SLC2A9: variants seen among roughly 807,000 people sequenced by gnomAD.
SLC2A9 encodes the protein solute carrier family 2, facilitated glucose transporter member 9.
Under a neutral mutation model 50.6 loss-of-function variants are expected in SLC2A9, and 39 were observed. The ratio of observed to expected loss-of-function variants is 0.77; its 90% CI spans 0.60 to 1.01. The LOEUF is 1.01. SLC2A9 is among the 50% of genes least tolerant of loss of function. The pLI is 0.00. For missense variants in SLC2A9, 686 were observed against 677.6 expected (o/e 1.01, Z -0.14); for synonymous variants, 324 against 276.9 (o/e 1.17, Z -1.69).
chr4:9,921,840 A>G (rs546785320), intron 6 of SLC2A9, among the ~76,000 whole-genome samples: 1 of 152,356 alleles, frequency 6.6e-6, no homozygotes, highest in Non-Finnish European at 1.5e-5. Flanking sequence ...AAATAACTCT[A>G]GACTTCTGGG....
intron 5 of SLC2A9, among the ~76,000 whole-genome samples, chr4:9,950,236 G>C (rs955431174): frequency 2.6e-5 from 4 of 152,100 alleles, no homozygotes; most frequent in African/African-American, 9.7e-5. Context: ...AACAATAACA[G>C]GTATCTCAAG....
chr4:9,859,576 G>C (rs1459395745), intron 10 of SLC2A9, among the ~76,000 whole-genome samples: 3 of 152,246 alleles, frequency 2.0e-5, no homozygotes, highest in Admixed American at 2.0e-4. Flanking sequence ...CCCTTGTTCA[G>C]ATTAAAACAG....
At chr4:9,964,991 A>G (rs1440941425) in intron 5 of SLC2A9, among the ~76,000 whole-genome samples, 1 of 152,194 alleles carries the variant, frequency 6.6e-6, no homozygotes, top group Non-Finnish European at 1.5e-5. Context: ...AAATTTCATA[A>G]CATCTTTTCT....
downstream of SLC2A9, among the ~76,000 whole-genome samples, chr4:9,823,201 A>C (rs889644165): frequency 2.0e-4 from 30 of 152,278 alleles, no homozygotes; most frequent in Non-Finnish European, 2.1e-4. Flanking sequence ...AGGTGAGAGA[A>C]TATGTAAAAT....
intron 3 of SLC2A9, among the ~76,000 whole-genome samples, chr4:9,789,077 T>C (rs1165707043): frequency 6.6e-6 from 1 of 152,218 alleles, no homozygotes; most frequent in Non-Finnish European, 1.5e-5. Context: ...GCATCTCTAT[T>C]TCTATGCCTA....
intron 3 of SLC2A9, among the ~76,000 whole-genome samples, chr4:9,799,801 C>T (rs900224147): frequency 6.7e-6 from 1 of 148,908 alleles, no homozygotes; most frequent in African/African-American, 2.5e-5. Flanking sequence ...TGGGCAGTGG[C>T]CAAAACACAA....
intron 3 of SLC2A9, chr4:9,783,068 T>A (rs528673895): frequency 6.2e-7 from 1 of 1,614,224 alleles, no homozygotes; most frequent in African/African-American, 1.3e-5. Context: ...CTTCGTCTGG[T>A]TCGGCTGGGC....
chr4:9,909,506 A>G (rs1469745753), intron 7 of SLC2A9, among the ~76,000 whole-genome samples: 2 of 152,192 alleles, frequency 1.3e-5, no homozygotes, highest in African/African-American at 4.8e-5. Context: ...ACTGATTAGG[A>G]GTTTGGAGAC....
At chr4:9,782,130 C>T (rs772917283) in intron 3 of SLC2A9, 2 of 1,552,678 alleles carry the variant, frequency 1.3e-6, no homozygotes, top group Middle Eastern at 2.0e-4. Flanking sequence ...GCGGGGGCAC[C>T]GCCACTGGGG....
At chr4:9,932,916 T>C (rs1338629899) in intron 6 of SLC2A9, among the ~76,000 whole-genome samples, 1 of 152,266 alleles carries the variant, frequency 6.6e-6, no homozygotes, top group African/African-American at 2.4e-5. Context: ...GGACCTCTTC[T>C]GCTAGTCAAA....
chr4:9,992,911 G>T (rs1403717009), intron 3 of SLC2A9, among the ~76,000 whole-genome samples: 1 of 152,170 alleles, frequency 6.6e-6, no homozygotes, highest in Non-Finnish European at 1.5e-5. Context: ...TTGTTTATCT[G>T]CACTTTACAG....
At chr4:9,801,198 G>T (rs992651695) in intron 3 of SLC2A9, among the ~76,000 whole-genome samples, 5 of 151,620 alleles carry the variant, frequency 3.3e-5, no homozygotes, top group Admixed American at 6.6e-5. Context: ...CACCTGGCAG[G>T]TGAGCAAAGC....
At chr4:9,956,766 T>C (rs1318694792) in intron 5 of SLC2A9, among the ~76,000 whole-genome samples, 2 of 151,904 alleles carry the variant, frequency 1.3e-5, no homozygotes, top group Non-Finnish European at 2.9e-5. Context: ...CCGAAAAATT[T>C]TTTTAAAACT....
intron 6 of SLC2A9, among the ~76,000 whole-genome samples, chr4:9,939,984 G>A (rs1747830886): frequency 6.6e-6 from 1 of 152,118 alleles, no homozygotes; most frequent in African/African-American, 2.4e-5. Context: ...ATCACGTTTT[G>A]TAACTGTACT....
intron 1 of SLC2A9, chr4:10,035,252 A>T (rs1266514284): frequency 2.6e-5 from 4 of 152,200 alleles, no homozygotes; most frequent in Non-Finnish European, 4.4e-5. Flanking sequence ...TCTTTGTACC[A>T]TTGGGTACAA....
intron 5 of SLC2A9, among the ~76,000 whole-genome samples, chr4:9,950,708 ACGGT>A (rs1456991558): frequency 0.1 from 7,628 of 75,524 alleles, 2,021 homozygotes; most frequent in African/African-American, 0.22. Context: ...CCTGGCTAAC[ACGGT>A]GAAACCCTGT....
downstream of SLC2A9, among the ~76,000 whole-genome samples, chr4:9,778,127 C>T (rs1399824592): frequency 2.7e-5 from 4 of 149,036 alleles, no homozygotes; most frequent in Non-Finnish European, 4.5e-5. Context: ...TCCCCGCCTC[C>T]CCCGAGTCTT....
At chr4:9,881,767 G>C (rs1036731644) in intron 10 of SLC2A9, among the ~76,000 whole-genome samples, 3 of 152,200 alleles carry the variant, frequency 2.0e-5, no homozygotes, top group Admixed American at 6.5e-5. Flanking sequence ...TCCTGGCAGG[G>C]AAACCATGAC....
At chr4:9,890,802 T>A (rs1016054789) in intron 8 of SLC2A9, 91 bp from the exon 9 acceptor site, 9 of 1,189,004 alleles carry the variant, frequency 7.6e-6, no homozygotes, top group Non-Finnish European at 1.1e-5. Context: ...AATGGCATCA[T>A]GATTAAAAAC....
Sources: gnomAD v4.1 joint callset for allele counts (sites outside exome capture counted in the v4.1 genomes callset) on GRCh38, gnomAD v4.1.1 for gene constraint, MANE v1.5 for transcripts, NCBI Gene and HGNC (gene_info 2026-07-23, HGNC 2026-07-21) for gene names.